The following SCN9A variants were observed in gnomAD, a reference collection of about 807,000 sequenced individuals.
SCN9A encodes sodium channel protein type 9 subunit alpha.
SCN9A carries 131 observed loss-of-function variants against 187.0 expected under a neutral mutation model. The ratio of observed to expected loss-of-function variants is 0.70; its 90% CI spans 0.61 to 0.81. The LOEUF (loss-of-function observed/expected upper bound fraction) is 0.81, where lower values mean the gene tolerates loss of function less well. Among genes scored for constraint, SCN9A ranks in the 30% least tolerant of loss-of-function variants. The pLI is 0.00. For synonymous variants in SCN9A, 809 were observed against 808.6 expected, an observed-to-expected ratio of 1.00 and a Z score of -0.01; for missense variants, 2,252 against 2,396.6, an observed-to-expected ratio of 0.94 and a Z score of 1.26.
chr2:166,218,911 GAA>G (rs1376117693), intron 24 of SCN9A, among the ~76,000 whole-genome samples: 34 of 152,222 alleles, frequency 2.2e-4, no homozygotes, highest in Admixed American at 2.2e-3. Context: ...CAAAGGATAT[GAA>G]CAGACACTTC....
At chr2:166,316,588 G>A (rs1290343419) in intron 1 of SCN9A, among the ~76,000 whole-genome samples, 1 of 152,168 alleles carries the variant, frequency 6.6e-6, no homozygotes, top group Admixed American at 6.5e-5. Context: ...CCAGCTGCTC[G>A]GGAGGCTGAG....
intron 1 of SCN9A, among the ~76,000 whole-genome samples, chr2:166,315,127 C>T (rs1699076941): frequency 6.6e-6 from 1 of 152,170 alleles, no homozygotes. Flanking sequence ...GGAGATTCCT[C>T]AACACTTTTG....
chr2:166,340,003 C>G (rs1032127502), intron 1 of SCN9A, among the ~76,000 whole-genome samples: 2 of 152,088 alleles, frequency 1.3e-5, no homozygotes, highest in African/African-American at 2.4e-5. Context: ...GGAAGTTACA[C>G]GGGTAGTCTG....
In SCN9A at chr2:166,311,574, G is replaced by T; in HGVS notation, c.183C>A (p.Phe61Leu). Residue 61 changes from phenylalanine (F) to leucine (L), a missense_variant, in exon 2 of 27, where the codon TTC becomes TTA. Around this residue, in one of 7 missense-constraint regions of SCN9A, gnomAD observed 1,013 missense variants for 997.4 expected, o/e 1.02. Coordinates refer to ENST00000642356, the MANE Select transcript of SCN9A (RefSeq NM_001365536.1). ...TGCCGGGAGGAATGTCCCCATAGAT[G>T]AAGGGCAGCTGTTTGCCAGCTTCCA... ...SDLEAGKQLP[F>L]IYGDIPPGMV... 1.2e-6 allele frequency: 2 copies of T among 1,613,204 alleles called. No homozygotes were observed. Among genetic ancestry groups the T allele is most frequent in the Non-Finnish European group, 1.7e-6 (2 of 1,179,696 alleles).
At chr2:166,320,919 TA>T (rs1181978556) in intron 1 of SCN9A, among the ~76,000 whole-genome samples, 1 of 152,106 alleles carries the variant, frequency 6.6e-6, no homozygotes, top group Non-Finnish European at 1.5e-5. Flanking sequence ...CTGTGTAACC[TA>T]AAAAAATACA....
At chr2:166,250,127 G>GC (rs1396806167) in intron 18 of SCN9A, among the ~76,000 whole-genome samples, 9 of 152,168 alleles carry the variant, frequency 5.9e-5, no homozygotes, top group African/African-American at 2.2e-4. Context: ...GAAAATCCAT[G>GC]CACTCTTTGT....
rs1695406773 is a variant in SCN9A, at chr2:166,238,215, T to C, written c.3680A>G (p.Glu1227Gly). ...ERKKTIKIIL[E>G]YADKIFTYIF... ...GTAAGTGAAGATCTTGTCTGCATAC[T>C]CCAGGATAATCTTAATGGTCTTTTT... Residue 1227 changes from glutamate (E) to glycine (G), a missense_variant, in exon 20 of 27, where the codon GAG (glutamate) becomes GGG (glycine). Physicochemically the swap from Glu to Gly is moderately conservative, Grantham distance 98 (BLOSUM62 -2). Coordinates refer to ENST00000642356, the MANE Select transcript of SCN9A (RefSeq NM_001365536.1). 2 of 1,601,476 alleles carry C rather than the reference T, an allele frequency of 1.2e-6. No homozygotes were observed. The highest frequency in any genetic ancestry group is 1.7e-6 in the Non-Finnish European group (2 of 1,172,886).
At chr2:166,209,506 A>G (rs1693976904) in intron 24 of SCN9A, among the ~76,000 whole-genome samples, 1 of 152,146 alleles carries the variant, frequency 6.6e-6, no homozygotes, top group South Asian at 2.1e-4. Flanking sequence ...AAAAAGTCAA[A>G]TATCAGTAAA....
chr2:166,316,630 C>T (rs977977634), intron 1 of SCN9A, among the ~76,000 whole-genome samples: 1 of 152,168 alleles, frequency 6.6e-6, no homozygotes, highest in Non-Finnish European at 1.5e-5. Flanking sequence ...GGAGGCGGAG[C>T]TTGCAGTGAG....
At chr2:166,278,494 T>A (rs937293201) in intron 14 of SCN9A, among the ~76,000 whole-genome samples, 181 bp from the exon 15 acceptor site, 1 of 152,190 alleles carries the variant, frequency 6.6e-6, no homozygotes, top group Non-Finnish European at 1.5e-5. Flanking sequence ...CTGGCTCCCA[T>A]ATCAGCATCA....
At chr2:166,204,656 T>G in intron 24 of SCN9A, 192 bp from the exon 25 acceptor site, 1 of 359,480 alleles carries the variant, frequency 2.8e-6, no homozygotes, top group Non-Finnish European at 4.9e-6. Context: ...CCAAACACAG[T>G]TAAATGTGCA....
intron 1 of SCN9A, among the ~76,000 whole-genome samples, chr2:166,325,916 TCTC>T (rs1381431972): frequency 6.6e-6 from 1 of 152,160 alleles, no homozygotes; most frequent in African/African-American, 2.4e-5. Flanking sequence ...TTTAAATTAC[TCTC>T]CTATGTTCGA....
chr2:166,302,330 A>G (rs981882323), intron 7 of SCN9A: 2 of 152,236 alleles, frequency 1.3e-5, no homozygotes, highest in Admixed American at 1.3e-4. Flanking sequence ...AGAACATTCA[A>G]TTCATGCTTT....
chr2:166,253,161 T>A (rs1299097088), intron 17 of SCN9A, among the ~76,000 whole-genome samples: 1 of 151,946 alleles, frequency 6.6e-6, no homozygotes, highest in Non-Finnish European at 1.5e-5. Context: ...AAATTCTCAA[T>A]GCTATTATTA....
At chr2:166,298,383 C>T (rs189317865) in intron 7 of SCN9A, among the ~76,000 whole-genome samples, 8 of 152,314 alleles carry the variant, frequency 5.3e-5, no homozygotes, top group Admixed American at 5.2e-4. Flanking sequence ...CCACTTTCAT[C>T]TGTAGCAGCA....
Position 166,233,425 on chromosome 2 carries a change from T to C in SCN9A, c.3839A>G (p.Tyr1280Cys), listed in dbSNP as rs200153808. ...LVTLVANTLG[Y>C]SDLGPIKSLR... The stretch of plus-strand genomic sequence containing the variant: ...GGATTTAATGGGGCCAAGATCTGAG[T>C]AGCCAAGAGTGTTTGCCACTAAAGT... The change falls in exon 21 of 27, where the codon TAC (tyrosine) becomes TGC (cysteine). Residue 1280 changes from tyrosine (Y) to cysteine (C), a missense_variant. By Grantham distance (194) the Tyr-to-Cys change is radical. This residue lies in a region of SCN9A where 368 missense variants were observed against 408.6 expected (regional missense o/e 0.90). Transcript: ENST00000642356. 2.3e-5 allele frequency: 37 copies of C among 1,577,490 alleles called. No individual in the cohort carries two copies. The highest frequency in any genetic ancestry group is 2.9e-5 in the Non-Finnish European group (34 of 1,167,272).
intron 26 of SCN9A, among the ~76,000 whole-genome samples, chr2:166,201,385 A>C (rs1309143719): frequency 6.7e-6 from 1 of 148,258 alleles, no homozygotes; most frequent in Middle Eastern, 4.3e-3. Context: ...TCTATATAGC[A>C]TATAGTATGC....
At position 166,198,440 on chromosome 2, in the gene SCN9A, C is replaced by A. The variant is rs1423373527; in HGVS notation, c.*232G>T. The A allele has an allele frequency of 4.3e-6, 2 of 461,764 alleles. No individual in the cohort carries two copies. Among genetic ancestry groups the A allele is most frequent in the East Asian group, 3.4e-5 (1 of 29,248 alleles). The allele number at this position is 461,764 out of a possible 1,614,324, so 28.6% of individuals were successfully genotyped here. A position where few individuals can be genotyped will look rare whatever the true frequency, so the allele number is the denominator to read the frequency against. On this transcript the variant is annotated 3_prime_UTR_variant, in exon 27 of 27. Transcript: ENST00000642356. ...CAAAAAACTGAATCACTTTTGTATGCTATAATCAATAATTCCTACAGAGTT... is the reference window on the plus strand; with the variant it reads ...CAAAAAACTGAATCACTTTTGTATGATATAATCAATAATTCCTACAGAGTT...
At chr2:166,353,989 A>G (rs1307898024) in intron 1 of SCN9A, among the ~76,000 whole-genome samples, 1 of 152,218 alleles carries the variant, frequency 6.6e-6, no homozygotes, top group Non-Finnish European at 1.5e-5. Flanking sequence ...GAAGCACGCT[A>G]TCTAATTATA....
Sources: allele counts gnomAD v4.1 joint callset (sites outside exome capture counted in the v4.1 genomes callset), GRCh38; gene constraint gnomAD v4.1.1; regional missense constraint gnomAD v4.1.1; transcripts MANE v1.5; gene names NCBI Gene and HGNC (gene_info 2026-07-23, HGNC 2026-07-21).